UBE2QL1: variants seen among roughly 807,000 people sequenced by gnomAD.
UBE2QL1 encodes the protein ubiquitin conjugating enzyme E2 QL1, also known as ubiquitin-conjugating enzyme E2Q-like protein 1.
Under a neutral mutation model 12.6 loss-of-function variants are expected in UBE2QL1, and 5 were observed. That is an observed-to-expected ratio of 0.40 (90% CI 0.21 to 0.83). The LOEUF (loss-of-function observed/expected upper bound fraction) is 0.83. Ranked by LOEUF, UBE2QL1 falls within the 40% of genes least tolerant of loss-of-function variation. The pLI, the probability that UBE2QL1 is intolerant of heterozygous loss-of-function variation, is 0.37. For missense variants in UBE2QL1, 99 were observed against 222.6 expected (o/e 0.44, Z 3.53); for synonymous variants, 96 against 94.5 (o/e 1.02, Z -0.10).
intron 1 of UBE2QL1, among the ~76,000 whole-genome samples, chr5:6,450,167 G>T (rs1426432888): frequency 7.4e-6 from 1 of 134,442 alleles, no homozygotes; most frequent in Non-Finnish European, 1.5e-5. Flanking sequence ...CACCACCTCT[G>T]GGGTAGACGT....
In UBE2QL1 at chr5:6,449,160, G is replaced by T. The variant is rs1183275520; in HGVS notation, c.267G>T (p.Met89Ile). The T allele has an allele frequency of 6.5e-7, 1 of 1,533,852 alleles. No individual in the cohort carries two copies. Among genetic ancestry groups the T allele is most frequent in the Non-Finnish European group, 8.8e-7 (1 of 1,137,376 alleles). Residue 89 changes from methionine to isoleucine, a missense_variant, in exon 1 of 2, where the codon ATG becomes ATT. Met to Ile is a conservative substitution (Grantham distance 10). Coordinates refer to ENST00000399816, the MANE Select transcript of UBE2QL1 (RefSeq NM_001145161.3). ...TGCTGGACGGCGGCGCCATCTGCAT[G>T]GAGCTGCTCACGCCGCGCGGCTGGT... ...GYVLDGGAICMELLTPRGWSS... is the reference protein window; with the variant it reads ...GYVLDGGAICIELLTPRGWSS...
chr5:6,493,584 CAG>C lies in UBE2QL1; in HGVS notation c.*2238_*2239del, dbSNP rs1734618207. The stretch of plus-strand genomic sequence containing the variant: ...CTCAGTGTCGCTCCTTCCATACACT[CAG>C]AGTTTGATTTTTCTTGCATGGCATT... On this transcript the variant is annotated 3_prime_UTR_variant, in exon 2 of 2. Transcript: ENST00000399816. 1 of 152,184 alleles carries C rather than the reference CAG, an allele frequency of 6.6e-6. No homozygotes were observed. Among genetic ancestry groups the C allele is most frequent in the Non-Finnish European group, 1.5e-5 (1 of 68,032 alleles). The allele number at this position is 152,184 out of a possible 1,614,324, so 9.4% of individuals were successfully genotyped here. A position where few individuals can be genotyped will look rare whatever the true frequency, so the allele number is the denominator to read the frequency against.
intron 1 of UBE2QL1, among the ~76,000 whole-genome samples, chr5:6,469,622 ATG>A (rs930329938): frequency 6.6e-6 from 1 of 150,394 alleles, no homozygotes; most frequent in African/African-American, 2.4e-5. Flanking sequence ...TAAAATGAAA[ATG>A]TATGTTTAAA....
Position 6,493,188 on chromosome 5 carries a change from A to C in UBE2QL1, c.*1839A>C, listed in dbSNP as rs1413248317. On this transcript the variant is annotated 3_prime_UTR_variant, in exon 2 of 2. Coordinates refer to ENST00000399816, the MANE Select transcript of UBE2QL1 (RefSeq NM_001145161.3). ...TGAACTTACGATGTTCATTCATCCA[A>C]CCCTCTATGGTGGCATTCTCCATCC... 1 of 152,178 alleles carries C rather than the reference A, an allele frequency of 6.6e-6. No individual in the cohort carries two copies. The highest frequency in any genetic ancestry group is 6.5e-5 in the Admixed American group (1 of 15,278). The allele number at this position is 152,178 out of a possible 1,614,324, so 9.4% of individuals were successfully genotyped here. A position where few individuals can be genotyped will look rare whatever the true frequency, so the allele number is the denominator to read the frequency against.
intron 1 of UBE2QL1, among the ~76,000 whole-genome samples, chr5:6,468,481 G>C (rs1324851929): frequency 1.3e-5 from 2 of 152,186 alleles, no homozygotes; most frequent in Admixed American, 1.3e-4. Flanking sequence ...CGGGCTGACT[G>C]GTGGATCCTT....
chr5:6,488,923 T>A (rs545316401), intron 1 of UBE2QL1, among the ~76,000 whole-genome samples: 1 of 152,358 alleles, frequency 6.6e-6, no homozygotes, highest in South Asian at 2.1e-4. Context: ...ATGATGATTA[T>A]GAATATATTA....
intron 1 of UBE2QL1, among the ~76,000 whole-genome samples, chr5:6,472,969 G>T (rs1016946666): frequency 6.6e-6 from 1 of 152,106 alleles, no homozygotes; most frequent in East Asian, 1.9e-4. Context: ...TCCTTTCTCT[G>T]CAGTAAACAC....
chr5:6,469,059 T>C (rs1739854446), intron 1 of UBE2QL1, among the ~76,000 whole-genome samples: 1 of 152,238 alleles, frequency 6.6e-6, no homozygotes, highest in African/African-American at 2.4e-5. Context: ...CACGTTCTTC[T>C]TGTTTGGTCA....
intron 1 of UBE2QL1, among the ~76,000 whole-genome samples, chr5:6,449,669 C>T (rs1308474545): frequency 6.8e-6 from 1 of 146,390 alleles, no homozygotes; most frequent in Non-Finnish European, 1.5e-5. Context: ...CCCATCTATT[C>T]CCACCCCCGT....
chr5:6,491,080 C>G (rs1734557512), intron 1 of UBE2QL1, 138 bp from the exon 2 acceptor site: 1 of 979,234 alleles, frequency 1.0e-6, no homozygotes, highest in African/African-American at 1.7e-5. Flanking sequence ...GAGGCTGCCC[C>G]CACCCTGCTG....
In UBE2QL1 at chr5:6,449,223, C is replaced by T; in HGVS notation, c.330C>T (p.Phe110=). 1.4e-6 allele frequency: 2 copies of T among 1,458,058 alleles called. No homozygotes were observed. Among genetic ancestry groups the T allele is most frequent in the Non-Finnish European group, 1.8e-6 (2 of 1,100,458 alleles). The allele number at this position is 1,458,058 out of a possible 1,614,324, so 90.3% of individuals were successfully genotyped here. A position where few individuals can be genotyped will look rare whatever the true frequency, so the allele number is the denominator to read the frequency against. The change falls in exon 1 of 2, where the codon TTC becomes TTT. Residue 110 remains phenylalanine, a synonymous_variant. Coordinates refer to ENST00000399816, the MANE Select transcript of UBE2QL1 (RefSeq NM_001145161.3). ...CCGTGGAGGCCGTCATGCGCCAGTT[C>T]GCAGCCAGCCTGGTCAAGGGCCAGG... ...AYTVEAVMRQ[F]AASLVKGQGR... is the part of the protein sequence containing the mutation.
chr5:6,470,287 A>G (rs1463899146), intron 1 of UBE2QL1, among the ~76,000 whole-genome samples: 2 of 152,064 alleles, frequency 1.3e-5, no homozygotes, highest in Admixed American at 1.3e-4. Flanking sequence ...TACTATTATC[A>G]TTTTACAGTG....
chr5:6,471,481 A>G (rs188509369), intron 1 of UBE2QL1, among the ~76,000 whole-genome samples: 141 of 152,304 alleles, frequency 9.3e-4, no homozygotes, highest in Admixed American at 1.8e-3. Context: ...GTGTTGGCTG[A>G]AGGCCTCAGT....
At chr5:6,474,407 A>G (rs1043616482) in intron 1 of UBE2QL1, among the ~76,000 whole-genome samples, 1 of 152,230 alleles carries the variant, frequency 6.6e-6, no homozygotes, top group Admixed American at 6.5e-5. Flanking sequence ...TTTCTTGCCA[A>G]TGCTCAGACA....
chr5:6,472,138 G>A (rs572961483), intron 1 of UBE2QL1, among the ~76,000 whole-genome samples: 29 of 152,294 alleles, frequency 1.9e-4, no homozygotes, highest in Non-Finnish European at 3.5e-4. Flanking sequence ...ACTTGGGCTG[G>A]TGGGCCGGCT....
intron 1 of UBE2QL1, among the ~76,000 whole-genome samples, chr5:6,475,394 C>T (rs535974132): frequency 1.1e-4 from 16 of 142,302 alleles, no homozygotes; most frequent in African/African-American, 3.2e-4. Context: ...GCATTTTCCA[C>T]AGAGATCCCG....
At position 6,476,821 on chromosome 5, in the gene UBE2QL1, C is replaced by G. The variant is rs1419965523; in HGVS notation, c.355-14397C>G. Among the ~76,000 whole-genome samples, 1 of 152,190 alleles carries G rather than the reference C, an allele frequency of 6.6e-6. No individual in the cohort carries two copies. The highest frequency in any genetic ancestry group is 2.4e-5 in the African/African-American group (1 of 41,446). ...CAAACGGCGTTGTCTTCACTGGACA[C>G]TAGCTGCCACCAATAATGATTTGCC... On this transcript the variant is annotated intron_variant, in intron 1 of 1. Coordinates refer to ENST00000399816, the MANE Select transcript of UBE2QL1 (RefSeq NM_001145161.3). This position sits in a 1 kb window ranked among gnomAD's most constrained non-coding sequence, Gnocchi z 4.9.
Position 6,491,556 on chromosome 5 carries a change from A to G in UBE2QL1, c.*207A>G, listed in dbSNP as rs894868932. ...ATGCCGTTCGGATTATGTTTCGATT[A>G]TAAATGAATGATCACCTCGAAGTCA... On this transcript the variant is annotated 3_prime_UTR_variant, in exon 2 of 2. Transcript: ENST00000399816. The G allele has an allele frequency of 3.7e-6, 2 of 544,600 alleles. No individual in the cohort carries two copies. The highest frequency in any genetic ancestry group is 1.9e-5 in the African/African-American group (1 of 52,160). 33.7% of individuals were successfully genotyped at this position (544,600 alleles called of 1,614,324 possible). A position where few individuals can be genotyped will look rare whatever the true frequency, so the allele number is the denominator to read the frequency against.
rs1245666401 is a variant in UBE2QL1 at position 6,480,511 on chromosome 5, AAAGTAT to A, written c.355-10700_355-10695del. Among the ~76,000 whole-genome samples, 192 of 152,358 alleles carry A rather than the reference AAAGTAT, an allele frequency of 1.3e-3. 1 individual carries two copies. The highest frequency in any genetic ancestry group is 4.4e-3 in the African/African-American group (184 of 41,574). ...CCACTGGGATCCGGCTGCCTATGCA[AAAGTAT>A]AAGTATTAGTGGGATCTCCAAAAAA... On this transcript the variant is annotated intron_variant, in intron 1 of 1. Coordinates refer to ENST00000399816, the MANE Select transcript of UBE2QL1 (RefSeq NM_001145161.3).
Sources: gnomAD v4.1 joint callset for allele counts (sites outside exome capture counted in the v4.1 genomes callset) on GRCh38, gnomAD v4.1.1 for gene constraint, Gnocchi (gnomAD v3.1) non-coding constraint, MANE v1.5 for transcripts, NCBI Gene and HGNC (gene_info 2026-07-23, HGNC 2026-07-21) for gene names.